The following CEP89 variants were observed in gnomAD, a reference collection of about 807,000 sequenced individuals.
CEP89 encodes the protein centrosomal protein 89, also known as centrosomal protein of 89 kDa.
Under a neutral mutation model 97.6 loss-of-function variants are expected in CEP89, and 95 were observed. That is an observed-to-expected ratio of 0.97 (90% CI 0.82 to 1.15). The LOEUF is 1.15. Ranked by LOEUF, CEP89 falls within the 50% of genes most tolerant of loss-of-function variation. CEP89 has a pLI of 0.00. For synonymous variants in CEP89, 354 were observed against 349.1 expected (o/e 1.01, Z -0.16); for missense variants, 869 against 947.7 (o/e 0.92, Z 1.09).
intron 1 of CEP89, chr19:32,971,071 G>A (rs1307999658): frequency 6.4e-6 from 1 of 156,678 alleles, no homozygotes; most frequent in Non-Finnish European, 1.4e-5. Flanking sequence ...TGGCTGCTAC[G>A]TGGAGAATGG....
intron 12 of CEP89, among the ~76,000 whole-genome samples, chr19:32,919,131 C>T (rs950847341): frequency 4.6e-5 from 7 of 152,090 alleles, no homozygotes; most frequent in Admixed American, 3.9e-4. Flanking sequence ...GTGATCTGCC[C>T]GCCTCGGCCT....
chr19:32,944,350 G>A (rs1054561810), intron 5 of CEP89, among the ~76,000 whole-genome samples: 2 of 152,090 alleles, frequency 1.3e-5, no homozygotes, highest in Non-Finnish European at 2.9e-5. Context: ...AAACTGGGGA[G>A]CAGGCTGTGA....
intron 17 of CEP89, among the ~76,000 whole-genome samples, chr19:32,884,471 T>C (rs780401048): frequency 2.0e-5 from 3 of 152,204 alleles, no homozygotes; most frequent in Non-Finnish European, 2.9e-5. Flanking sequence ...AATTTTGTTA[T>C]TTTATGTTTG....
rs1333274054 is a variant in CEP89, at chr19:32,876,424, A to T, written c.*2738T>A. The T allele has an allele frequency of 6.5e-6, 1 of 152,830 alleles. No homozygotes were observed. The highest frequency in any genetic ancestry group is 1.5e-5 in the Non-Finnish European group (1 of 68,540). 9.5% of individuals were successfully genotyped at this position (152,830 alleles called of 1,614,324 possible). ...TTCCCTGCTCAGACCAGACACTTGC[A>T]GCATGGGGAAGGAGGAGCCCCTCCC... On this transcript the variant is annotated 3_prime_UTR_variant, in exon 19 of 19. Transcript: ENST00000305768.
Position 32,956,049 on chromosome 19 carries a change from CT to C in CEP89, c.306-2249del, listed in dbSNP as rs202179963. 5.3e-3 allele frequency among the ~76,000 whole-genome samples: 560 copies of C among 105,612 alleles called. 3 individuals carry two copies. Among genetic ancestry groups the C allele is most frequent in the East Asian group, 0.048 (171 of 3,558 alleles). The allele number at this position is 105,612 out of a possible 152,430, so 69.3% of individuals were successfully genotyped here. On this transcript the variant is annotated intron_variant, in intron 3 of 18. Coordinates refer to ENST00000305768, the MANE Select transcript of CEP89 (RefSeq NM_032816.5). ...CTGGTATGTCCATTCCAATTTGGTTCTTTTTTTTTTTTTTTTTTTTTTTTGA... is the reference window on the plus strand; with the variant it reads ...CTGGTATGTCCATTCCAATTTGGTTCTTTTTTTTTTTTTTTTTTTTTTTGA...
At chr19:32,959,852 C>T (rs769221476) in intron 3 of CEP89, 48 bp downstream of exon 3, 2 of 1,606,644 alleles carry the variant, frequency 1.2e-6, no homozygotes, top group East Asian at 2.2e-5. Context: ...GCTGAGCCTG[C>T]CCCTCTTCCA....
At position 32,961,704 on chromosome 19, in the gene CEP89, C is replaced by T. The variant is rs150977963; in HGVS notation, c.147-1646G>A. Among the ~76,000 whole-genome samples the T allele has an allele frequency of 2.9e-3, 440 of 151,748 alleles. 2 individuals carry two copies. Among genetic ancestry groups the T allele is most frequent in the African/African-American group, 0.01 (422 of 41,374 alleles). On this transcript the variant is annotated intron_variant, in intron 2 of 18. Coordinates refer to ENST00000305768, the MANE Select transcript of CEP89 (RefSeq NM_032816.5). Reference sequence around the variant, plus strand: ...TGTTGCCCAGGCTGGAGTACAGTGGCGCAATCACAGCTCAGTATAGCCTCA... The same window carrying T: ...TGTTGCCCAGGCTGGAGTACAGTGGTGCAATCACAGCTCAGTATAGCCTCA...
intron 14 of CEP89, among the ~76,000 whole-genome samples, chr19:32,913,622 A>G (rs1037660469): frequency 2.1e-5 from 3 of 145,940 alleles, no homozygotes; most frequent in African/African-American, 7.7e-5. Flanking sequence ...TTGGTTACAC[A>G]CACACATACA....
At chr19:32,880,443 C>G (rs1477226622) in intron 18 of CEP89, among the ~76,000 whole-genome samples, 4 of 152,052 alleles carry the variant, frequency 2.6e-5, no homozygotes, top group African/African-American at 9.7e-5. Flanking sequence ...AAGCCCCAGC[C>G]TGGGCAACAT....
At chr19:32,906,760 C>T (rs1969895272) in intron 14 of CEP89, among the ~76,000 whole-genome samples, 1 of 149,194 alleles carries the variant, frequency 6.7e-6, no homozygotes, top group Non-Finnish European at 1.5e-5. Flanking sequence ...AATATATATA[C>T]ATACATATAA....
At chr19:32,937,717 T>C (rs1431565960) in intron 6 of CEP89, 44 bp from the exon 7 acceptor site, 2 of 1,476,656 alleles carry the variant, frequency 1.4e-6, no homozygotes, top group East Asian at 2.3e-5. Context: ...AGAGCATTAG[T>C]GTTTTATAAA....
chr19:32,899,722 C>T, intron 16 of CEP89, 135 bp downstream of exon 16: 1 of 777,928 alleles, frequency 1.3e-6, no homozygotes, highest in Non-Finnish European at 2.0e-6. Context: ...GTCGAAAATT[C>T]CTAGGTGGAA....
In CEP89 at chr19:32,960,042, C is replaced by T. The variant is rs575594719; in HGVS notation, c.163G>A (p.Ala55Thr). Residue 55 changes from alanine to threonine, a missense_variant, in exon 3 of 19, where the codon GCC becomes ACC. Coordinates refer to ENST00000305768, the MANE Select transcript of CEP89 (RefSeq NM_032816.5). ...PERPRSALAA[A>T]ILATTLTGRT... ...CCAGTCAATGTTGTCGCCAGAATGG[C>T]TGCTGCCAGAGCAGATCTGCGGACA... 6.2e-7 allele frequency: 1 copy of T among 1,614,230 alleles called. No individual in the cohort carries two copies. Among genetic ancestry groups the T allele is most frequent in the South Asian group, 1.1e-5 (1 of 91,090 alleles).
chr19:32,915,026 A>C (rs1568557647), intron 14 of CEP89, among the ~76,000 whole-genome samples: 1 of 152,138 alleles, frequency 6.6e-6, no homozygotes, highest in Non-Finnish European at 1.5e-5. Flanking sequence ...GTCCCAAAAA[A>C]AAAAAGTCCC....
chr19:32,887,969 C>T (rs1599710332), intron 16 of CEP89, 128 bp from the exon 17 acceptor site: 1 of 641,368 alleles, frequency 1.6e-6, no homozygotes, highest in East Asian at 2.7e-5. Context: ...TGCCTCAACC[C>T]CTTCCCCACC....
At chr19:32,910,023 G>A (rs1969965166) in intron 14 of CEP89, among the ~76,000 whole-genome samples, 1 of 152,236 alleles carries the variant, frequency 6.6e-6, no homozygotes, top group Non-Finnish European at 1.5e-5. Context: ...CACTTTGGGA[G>A]GCTGAGGCAG....
At chr19:32,907,338 G>C (rs1453096463) in intron 14 of CEP89, among the ~76,000 whole-genome samples, 2 of 152,160 alleles carry the variant, frequency 1.3e-5, no homozygotes, top group African/African-American at 2.4e-5. Flanking sequence ...TCCAGCCTGA[G>C]ACAAGATGAG....
chr19:32,951,518 TATATATATATATATATACAC>T (rs1361517840), intron 4 of CEP89, among the ~76,000 whole-genome samples: 4 of 45,344 alleles, frequency 8.8e-5, no homozygotes, highest in East Asian at 1.8e-3. Context: ...AAATTATATA[TATATATATATATATATACAC>T]ACACACACAC....
At position 32,924,690 on chromosome 19, in the gene CEP89, ACT is replaced by A. The variant is rs368172152; in HGVS notation, c.1165-1150_1165-1149del. ...TCACTCACTGCTGGCAGTCCATGTGACTCTTTTTTGGAACAGGGGTCAGGCAA... is the reference window on the plus strand; with the variant it reads ...TCACTCACTGCTGGCAGTCCATGTGACTTTTTTGGAACAGGGGTCAGGCAA... On this transcript the variant is annotated intron_variant, in intron 11 of 18. Transcript: ENST00000305768. Among the ~76,000 whole-genome samples the A allele has an allele frequency of 5.8e-3, 888 of 151,926 alleles. 9 individuals are homozygous for A. The highest frequency in any genetic ancestry group is 0.017 in the African/African-American group (715 of 41,428).
Sources: gnomAD v4.1 joint callset for allele counts (sites outside exome capture counted in the v4.1 genomes callset) on GRCh38, gnomAD v4.1.1 for gene constraint, MANE v1.5 for transcripts, NCBI Gene and HGNC (gene_info 2026-07-23, HGNC 2026-07-21) for gene names.